Variants in HS3ST4 observed in about 807,000 individuals in gnomAD.
HS3ST4 encodes the protein heparan sulfate-glucosamine 3-sulfotransferase 4.
Under a neutral mutation model 29.2 loss-of-function variants are expected in HS3ST4, and 17 were observed. That is an observed-to-expected ratio of 0.58 (90% CI 0.40 to 0.87). HS3ST4 has a LOEUF of 0.87. Ranked by LOEUF, HS3ST4 falls within the 40% of genes least tolerant of loss-of-function variation. The pLI is 0.00. For missense variants in HS3ST4, 627 were observed against 634.5 expected (o/e 0.99, Z 0.13); for synonymous variants, 314 against 285.7 (o/e 1.10, Z -1.00).
At chr16:25,971,945 GA>G (rs938874389) in intron 1 of HS3ST4, among the ~76,000 whole-genome samples, 2 of 151,664 alleles carry the variant, frequency 1.3e-5, no homozygotes, top group Non-Finnish European at 2.9e-5. Context: ...AAGAAAGAAA[GA>G]AAAAAAAGAG....
chr16:26,083,416 T>C (rs1898747152), intron 1 of HS3ST4, among the ~76,000 whole-genome samples: 1 of 152,210 alleles, frequency 6.6e-6, no homozygotes, highest in Non-Finnish European at 1.5e-5. Context: ...ATTCTATTCA[T>C]TAATTTTATC....
At chr16:25,793,347 G>C (rs1414713400) in intron 1 of HS3ST4, among the ~76,000 whole-genome samples, 1 of 151,788 alleles carries the variant, frequency 6.6e-6, no homozygotes, top group East Asian at 1.9e-4. Flanking sequence ...TGCTCTGCTT[G>C]TTCTACCAGT....
intron 1 of HS3ST4, among the ~76,000 whole-genome samples, chr16:25,975,864 C>T (rs553411324): frequency 1.1e-4 from 16 of 152,138 alleles, no homozygotes; most frequent in South Asian, 2.1e-4. Flanking sequence ...TTGCATGATA[C>T]GCCATAATTT....
At chr16:26,090,633 G>T (rs1898846288) in intron 1 of HS3ST4, among the ~76,000 whole-genome samples, 2 of 151,860 alleles carry the variant, frequency 1.3e-5, no homozygotes, top group Admixed American at 6.6e-5. Context: ...CCTCCCCTTG[G>T]AGACCCTCGG....
chr16:26,095,993 A>G (rs1409979185), intron 1 of HS3ST4, among the ~76,000 whole-genome samples: 1 of 152,252 alleles, frequency 6.6e-6, no homozygotes, highest in Non-Finnish European at 1.5e-5. Context: ...AAACGCCTCT[A>G]TGCAAATAAA....
intron 1 of HS3ST4, among the ~76,000 whole-genome samples, chr16:25,725,178 G>C (rs1014981560): frequency 6.6e-6 from 1 of 151,798 alleles, no homozygotes; most frequent in Non-Finnish European, 1.5e-5. Context: ...AAATGCATGG[G>C]CATGCAGCAT....
intron 1 of HS3ST4, among the ~76,000 whole-genome samples, chr16:26,004,858 C>T (rs2141735846): frequency 6.6e-6 from 1 of 152,260 alleles, no homozygotes; most frequent in East Asian, 1.9e-4. Context: ...TCCTTGGTCA[C>T]TTGTTTATGC....
At chr16:26,029,344 C>T (rs564933751) in intron 1 of HS3ST4, among the ~76,000 whole-genome samples, 10 of 152,246 alleles carry the variant, frequency 6.6e-5, no homozygotes, top group Admixed American at 1.3e-4. Flanking sequence ...TTTAATGGTC[C>T]GCTATTGCCA....
chr16:25,704,138 C>T (rs1966356918), intron 1 of HS3ST4, among the ~76,000 whole-genome samples: 1 of 152,160 alleles, frequency 6.6e-6, no homozygotes, highest in South Asian at 2.1e-4. Flanking sequence ...AAAAAGAGGA[C>T]CTTGTATGTA....
intron 1 of HS3ST4, among the ~76,000 whole-genome samples, chr16:25,721,392 T>C (rs1966493969): frequency 6.6e-6 from 1 of 152,198 alleles, no homozygotes; most frequent in South Asian, 2.1e-4. Flanking sequence ...TAGTCTTTTT[T>C]TTACATTTTT....
intron 1 of HS3ST4, among the ~76,000 whole-genome samples, chr16:25,752,630 GCT>G (rs1203284463): frequency 6.6e-6 from 1 of 152,212 alleles, no homozygotes; most frequent in Admixed American, 6.5e-5. Context: ...ATGAAACACA[GCT>G]CTCTCTTCAT....
intron 1 of HS3ST4, among the ~76,000 whole-genome samples, chr16:26,058,389 G>A (rs1309369836): frequency 6.6e-6 from 1 of 152,138 alleles, no homozygotes; most frequent in Non-Finnish European, 1.5e-5. Flanking sequence ...CTTTTTGGTT[G>A]ACTTAAATGT....
intron 1 of HS3ST4, among the ~76,000 whole-genome samples, chr16:25,809,065 C>A (rs1489751635): frequency 6.6e-6 from 1 of 152,076 alleles, no homozygotes; most frequent in African/African-American, 2.4e-5. Flanking sequence ...TTCTTCCTTT[C>A]CGATATCTAT....
At chr16:25,998,909 A>T (rs946105806) in intron 1 of HS3ST4, among the ~76,000 whole-genome samples, 1 of 152,222 alleles carries the variant, frequency 6.6e-6, no homozygotes, top group Admixed American at 6.5e-5. Context: ...AGAATGCCAT[A>T]TAACAGGTTA....
intron 1 of HS3ST4, among the ~76,000 whole-genome samples, chr16:25,751,849 A>T (rs1179057782): frequency 6.6e-6 from 1 of 152,214 alleles, no homozygotes; most frequent in Non-Finnish European, 1.5e-5. Flanking sequence ...AAAGGCTGGT[A>T]CTGGAGCAAT....
At chr16:25,925,059 C>T (rs1968389395) in intron 1 of HS3ST4, among the ~76,000 whole-genome samples, 1 of 151,914 alleles carries the variant, frequency 6.6e-6, no homozygotes, top group African/African-American at 2.4e-5. Flanking sequence ...GGGCTAAATC[C>T]AGGTACCAGA....
chr16:25,803,145 A>G (rs1404622236), intron 1 of HS3ST4, among the ~76,000 whole-genome samples: 1 of 151,922 alleles, frequency 6.6e-6, no homozygotes, highest in South Asian at 2.1e-4. Flanking sequence ...CTATTGAATG[A>G]TTGTAATTGT....
chr16:25,824,096 G>T (rs567487897), intron 1 of HS3ST4, among the ~76,000 whole-genome samples: 1 of 152,284 alleles, frequency 6.6e-6, no homozygotes, highest in South Asian at 2.1e-4. Flanking sequence ...TAAGTGTGGA[G>T]TGCAGTTCAC....
chr16:25,887,691 A>ATTTTTTTTTT (rs768447504), intron 1 of HS3ST4, among the ~76,000 whole-genome samples: 1 of 91,500 alleles, frequency 1.1e-5, no homozygotes, highest in Non-Finnish European at 2.1e-5. Flanking sequence ...GCTACACCTG[A>ATTTTTTTTTT]TTTTTTTTTT....
Sources: allele counts gnomAD v4.1 joint callset (sites outside exome capture counted in the v4.1 genomes callset), GRCh38; gene constraint gnomAD v4.1.1; transcripts MANE v1.5; gene names NCBI Gene and HGNC (gene_info 2026-07-23, HGNC 2026-07-21).